Variants in RCAN1 observed in about 807,000 individuals in gnomAD.
RCAN1 encodes regulator of calcineurin 1.
RCAN1 carries 11 observed loss-of-function variants against 22.9 expected under a neutral mutation model. The observed-to-expected ratio is 0.48, with a 90% CI of 0.30 to 0.79. The LOEUF (loss-of-function observed/expected upper bound fraction) is 0.79, where lower values mean the gene tolerates loss of function less well. Among genes scored for constraint, RCAN1 ranks in the 30% least tolerant of loss-of-function variants. The pLI is 0.06. For synonymous variants in RCAN1, 136 were observed against 142.3 expected (o/e 0.96, Z 0.32); for missense variants, 291 against 337.8 (o/e 0.86, Z 1.09).
chr21:34,569,428 A>G (rs1381751885), intron 1 of RCAN1, among the ~76,000 whole-genome samples: 3 of 152,232 alleles, frequency 2.0e-5, no homozygotes, highest in Non-Finnish European at 4.4e-5. Context: ...ATAATTTAAT[A>G]CAAATACTAA....
At chr21:34,590,131 C>T (rs1007122107) in intron 1 of RCAN1, among the ~76,000 whole-genome samples, 1 of 152,182 alleles carries the variant, frequency 6.6e-6, no homozygotes, top group African/African-American at 2.4e-5. Context: ...CTGCCTGGAC[C>T]TTACCAGAGA....
At chr21:34,562,480 G>A (rs904811778) in intron 1 of RCAN1, among the ~76,000 whole-genome samples, 5 of 152,200 alleles carry the variant, frequency 3.3e-5, no homozygotes, top group African/African-American at 1.2e-4. Context: ...TGATGTGGGA[G>A]AGCAGAGGCG....
At chr21:34,532,502 C>T (rs187796115) in intron 1 of RCAN1, among the ~76,000 whole-genome samples, 28 of 152,338 alleles carry the variant, frequency 1.8e-4, no homozygotes, top group African/African-American at 3.8e-4. Flanking sequence ...AACCTCCTGA[C>T]GGCTTGAGCC....
In RCAN1 at chr21:34,552,618, C is replaced by A. The variant is rs148021198; in HGVS notation, c.253-28908G>T. Among the ~76,000 whole-genome samples the A allele has an allele frequency of 6.2e-3, 943 of 152,154 alleles. 9 individuals are homozygous for A. The highest frequency in any genetic ancestry group is 0.022 in the African/African-American group (897 of 41,496). ...ACATCAATATTCAATAGTAGTGTAGCCACTCACATGCAGACTCCATTCCTA... is the reference window on the plus strand; with the variant it reads ...ACATCAATATTCAATAGTAGTGTAGACACTCACATGCAGACTCCATTCCTA... On this transcript the variant is annotated intron_variant, in intron 1 of 3. Coordinates refer to ENST00000313806, the MANE Select transcript of RCAN1 (RefSeq NM_004414.7).
At chr21:34,538,705 G>A (rs74679034) in intron 1 of RCAN1, among the ~76,000 whole-genome samples, 19,994 of 152,142 alleles carry the variant, frequency 0.13, 1,389 homozygotes, top group African/African-American at 0.16. Flanking sequence ...CAGGAGGACC[G>A]GGCCTTGATA....
Position 34,539,425 on chromosome 21 carries a change from C to G in RCAN1, c.253-15715G>C, listed in dbSNP as rs184647235. Among the ~76,000 whole-genome samples the G allele has an allele frequency of 2.0e-4, 31 of 152,268 alleles. No homozygotes were observed. In the East Asian group the frequency reaches 4.6e-3, roughly 23 times the overall value. On this transcript the variant is annotated intron_variant, in intron 1 of 3. Transcript: ENST00000313806. ...AGGTTACAAAGCAATGTTTATTGTT[C>G]TCATTTTGGTGAAAAGAAAGAATAT...
chr21:34,538,247 T>A (rs993554266), intron 1 of RCAN1, among the ~76,000 whole-genome samples: 1 of 152,206 alleles, frequency 6.6e-6, no homozygotes, highest in Non-Finnish European at 1.5e-5. Flanking sequence ...TCTTAAAAGA[T>A]CATTCGGAGA....
intron 1 of RCAN1, among the ~76,000 whole-genome samples, chr21:34,534,712 T>C (rs1827142552): frequency 6.6e-6 from 1 of 152,196 alleles, no homozygotes; most frequent in South Asian, 2.1e-4. Context: ...CCATTCATTG[T>C]GGTCACAGGA....
intron 1 of RCAN1, among the ~76,000 whole-genome samples, chr21:34,591,899 G>C (rs1407236630): frequency 6.6e-6 from 1 of 152,174 alleles, no homozygotes; most frequent in African/African-American, 2.4e-5. Flanking sequence ...ATCAAGACGT[G>C]TTCCCCAACT....
chr21:34,560,557 A>C (rs1986751867), intron 1 of RCAN1, among the ~76,000 whole-genome samples: 1 of 152,208 alleles, frequency 6.6e-6, no homozygotes, highest in Non-Finnish European at 1.5e-5. Flanking sequence ...AACTTTACAA[A>C]AGAGGATTGT....
chr21:34,565,148 G>A (rs914315019), intron 1 of RCAN1, among the ~76,000 whole-genome samples: 11 of 152,180 alleles, frequency 7.2e-5, no homozygotes, highest in Non-Finnish European at 1.3e-4. Flanking sequence ...CAAGTGAGCC[G>A]TGATGGTGTC....
In RCAN1 at chr21:34,615,013, C is replaced by A. The variant is rs1988784107; in HGVS notation, c.-2G>T. 3 of 1,057,568 alleles carry A rather than the reference C, an allele frequency of 2.8e-6. No homozygotes were observed. The East Asian group carries it at 2.3e-4, about 83-fold the overall frequency. The allele number at this position is 1,057,568 out of a possible 1,614,324, so 65.5% of individuals were successfully genotyped here. On this transcript the variant is annotated 5_prime_UTR_variant, in exon 1 of 4. Transcript: ENST00000313806. Reference sequence around the variant, plus strand: ...GGGACCGGCCACGCCGTCCTCCATCCCCGCGCCCGCGCGACCCTGTGCGCC... The same window carrying A: ...GGGACCGGCCACGCCGTCCTCCATCACCGCGCCCGCGCGACCCTGTGCGCC...
At chr21:34,537,947 T>C (rs971634553) in intron 1 of RCAN1, among the ~76,000 whole-genome samples, 1 of 152,242 alleles carries the variant, frequency 6.6e-6, no homozygotes, top group Non-Finnish European at 1.5e-5. Flanking sequence ...GAAATTATGC[T>C]GTAAATGCCA....
At chr21:34,536,372 A>T (rs1985671870) in intron 1 of RCAN1, among the ~76,000 whole-genome samples, 1 of 152,196 alleles carries the variant, frequency 6.6e-6, no homozygotes. Flanking sequence ...ACAGCACTGC[A>T]GCAGCAAAAA....
chr21:34,519,204 G>A (rs1360094456), intron 3 of RCAN1, among the ~76,000 whole-genome samples: 1 of 152,184 alleles, frequency 6.6e-6, no homozygotes, highest in Non-Finnish European at 1.5e-5. Flanking sequence ...TCCAGCCCAT[G>A]TCACCTAGAA....
intron 1 of RCAN1, among the ~76,000 whole-genome samples, chr21:34,611,683 A>C (rs1229462898): frequency 6.6e-6 from 1 of 152,172 alleles, no homozygotes; most frequent in Non-Finnish European, 1.5e-5. Context: ...CTGTTTACAC[A>C]AGGGGAGATA....
rs1033913338 is a variant in RCAN1, at chr21:34,614,540, G to C, written c.252+220C>G. On this transcript the variant is annotated intron_variant, in intron 1 of 3. Coordinates refer to ENST00000313806, the MANE Select transcript of RCAN1 (RefSeq NM_004414.7). The surrounding 1 kb of genome is among the most constrained non-coding windows in gnomAD (Gnocchi z 6.0). ...GGCCGGGGCGAGCCTGTGGGACTCT[G>C]CAGTGAGCTCCGCGCGCCCCGGGGG... 1 of 1,021,512 alleles carries C rather than the reference G, an allele frequency of 9.8e-7. No homozygotes were observed. Among genetic ancestry groups the C allele is most frequent in the African/African-American group, 1.7e-5 (1 of 58,440 alleles). The allele number at this position is 1,021,512 out of a possible 1,614,324, so 63.3% of individuals were successfully genotyped here. A position where few individuals can be genotyped will look rare whatever the true frequency, so the allele number is the denominator to read the frequency against.
chr21:34,612,761 G>A lies in RCAN1; in HGVS notation c.252+1999C>T, dbSNP rs150550967. On this transcript the variant is annotated intron_variant, in intron 1 of 3. Transcript: ENST00000313806. Reference sequence around the variant, plus strand: ...GCTCCTCCCCTAGGTTTCCAGCCACGTGACTTCCTCCCCCAGCTCCAGCTT... The same window carrying A: ...GCTCCTCCCCTAGGTTTCCAGCCACATGACTTCCTCCCCCAGCTCCAGCTT... Among the ~76,000 whole-genome samples the A allele has an allele frequency of 2.2e-3, 342 of 152,278 alleles. 2 individuals are homozygous for A. The highest frequency in any genetic ancestry group is 7.7e-3 in the African/African-American group (318 of 41,546).
intron 1 of RCAN1, among the ~76,000 whole-genome samples, chr21:34,582,769 A>G (rs1462438711): frequency 6.6e-6 from 1 of 152,204 alleles, no homozygotes; most frequent in Non-Finnish European, 1.5e-5. Context: ...CTCCAGAGTG[A>G]CAAGAGGGAA....
Sources: gnomAD v4.1 joint callset for allele counts (sites outside exome capture counted in the v4.1 genomes callset) on GRCh38, gnomAD v4.1.1 for gene constraint, Gnocchi (gnomAD v3.1) non-coding constraint, MANE v1.5 for transcripts, NCBI Gene and HGNC (gene_info 2026-07-23, HGNC 2026-07-21) for gene names.